The following SMARCAD1 variants were observed in gnomAD, a reference collection of about 807,000 sequenced individuals.
SMARCAD1 encodes the protein SWI/SNF-related matrix-associated actin-dependent regulator of chromatin subfamily A containing DEAD/H box 1.
A neutral mutation model predicts 127.1 loss-of-function variants in SMARCAD1; 25 were observed. The observed-to-expected ratio is 0.20, with a 90% CI of 0.14 to 0.27. The LOEUF is 0.27. SMARCAD1 is among the 10% of genes least tolerant of loss of function. SMARCAD1 has a pLI of 1.00. For missense variants in SMARCAD1, 807 were observed against 1,206.0 expected, an observed-to-expected ratio of 0.67 and a Z score of 4.90; for synonymous variants, 400 against 396.9, an observed-to-expected ratio of 1.01 and a Z score of -0.09.
intron 22 of SMARCAD1, among the ~76,000 whole-genome samples, chr4:94,284,340 A>AAAAG (rs1342433828): frequency 1.9e-5 from 2 of 104,048 alleles, no homozygotes; most frequent in Admixed American, 1.1e-4. Context: ...AAAAAAAAAA[A>AAAAG]AAAAAAAAAA....
intron 2 of SMARCAD1, among the ~76,000 whole-genome samples, chr4:94,215,822 T>A (rs956190578): frequency 4.6e-5 from 7 of 152,204 alleles, no homozygotes; most frequent in African/African-American, 1.7e-4. Context: ...TGCTTTTTCT[T>A]TATTTTTTAG....
intron 12 of SMARCAD1, among the ~76,000 whole-genome samples, chr4:94,274,153 TTC>T (rs1193435606): frequency 6.6e-6 from 1 of 152,120 alleles, no homozygotes; most frequent in African/African-American, 2.4e-5. Context: ...GAAAACCCCC[TTC>T]TCTTTAAATT....
upstream of SMARCAD1, chr4:94,207,863 C>T (rs1471996533): frequency 9.0e-6 from 3 of 334,664 alleles, no homozygotes; most frequent in Admixed American, 8.3e-5. Context: ...TGGGATCGCG[C>T]CGCGTCAACT....
At chr4:94,283,081 AC>A (rs1418401498) in intron 21 of SMARCAD1, 39 bp from the exon 22 acceptor site, 32 of 1,539,300 alleles carry the variant, frequency 2.1e-5, no homozygotes, top group Non-Finnish European at 2.9e-5. Flanking sequence ...ACATTATACA[AC>A]TTTTTAGTGA....
At position 94,207,925 on chromosome 4, in the gene SMARCAD1, C is replaced by T. The variant is rs920918017; in HGVS notation, c.-195C>T. On this transcript the variant is annotated 5_prime_UTR_variant, in exon 1 of 24. Transcript: ENST00000354268. ...CTCCGCCGCTCCCCTTCTTTGGCCC[C>T]TTTGTGTCCCCGCAGTGTCGAGGCG... The T allele has an allele frequency of 3.5e-5, 12 of 346,454 alleles. No individual in the cohort carries two copies. The highest frequency in any genetic ancestry group is 5.7e-5 in the Non-Finnish European group (10 of 175,864). The allele number at this position is 346,454 out of a possible 1,614,324, so 21.5% of individuals were successfully genotyped here. A position where few individuals can be genotyped will look rare whatever the true frequency, so the allele number is the denominator to read the frequency against.
Position 94,278,683 on chromosome 4 carries a change from A to T in SMARCAD1, c.2246A>T (p.Gln749Leu). 6.2e-7 allele frequency: 1 copy of T among 1,614,096 alleles called. No homozygotes were observed. The highest frequency in any genetic ancestry group is 1.3e-5 in the African/African-American group (1 of 75,066). The change falls in exon 18 of 24, where the codon CAA becomes CTA. Residue 749 changes from glutamine (Q) to leucine (L), a missense_variant. Gln to Leu is a moderately radical substitution (Grantham distance 113, BLOSUM62 -2). This residue lies in a region of SMARCAD1 where 99 missense variants were observed against 126.0 expected (regional missense o/e 0.79). Transcript: ENST00000354268. Reference sequence around the variant, plus strand: ...TGTGCAATGTCGGAGAAGCAGGAGCAACTCTATTTGGGTCTTTTCAACAGA... The same window carrying T: ...TGTGCAATGTCGGAGAAGCAGGAGCTACTCTATTTGGGTCTTTTCAACAGA... Reference protein sequence around the residue: ...ELCAMSEKQEQLYLGLFNRLK... With the variant: ...ELCAMSEKQELLYLGLFNRLK...
chr4:94,249,686 C>T lies in SMARCAD1; in HGVS notation c.738C>T (p.Ser246=), dbSNP rs780670826. The change falls in exon 7 of 24, where the codon AGC becomes AGT. Residue 246 remains serine, a synonymous_variant. Coordinates refer to ENST00000354268, the MANE Select transcript of SMARCAD1 (RefSeq NM_020159.5). The part of the protein sequence containing the change: ...GEESNESAES[S]SNWEKQESIV... ...AATCAAATGAGTCTGCAGAATCTAG[C>T]AGTAATTGGGAAAAGCAGGAAAGTA... The T allele has an allele frequency of 1.2e-6, 2 of 1,608,162 alleles. No homozygotes were observed. Among genetic ancestry groups the T allele is most frequent in the South Asian group, 1.1e-5 (1 of 90,864 alleles).
chr4:94,243,549 T>G (rs370274179), intron 6 of SMARCAD1, among the ~76,000 whole-genome samples: 2 of 152,210 alleles, frequency 1.3e-5, no homozygotes, highest in East Asian at 3.9e-4. Flanking sequence ...AGTCAATAGC[T>G]GTTTCACAAA....
intron 15 of SMARCAD1, 89 bp downstream of exon 15, chr4:94,276,563 A>G: frequency 2.0e-6 from 3 of 1,480,022 alleles, no homozygotes; most frequent in Non-Finnish European, 2.8e-6. Context: ...CAGAATCTGT[A>G]TTATGTAGTT....
intron 2 of SMARCAD1, among the ~76,000 whole-genome samples, chr4:94,225,202 C>T (rs1054444269): frequency 3.9e-5 from 6 of 152,138 alleles, no homozygotes; most frequent in Admixed American, 2.6e-4. Context: ...GCTACAGGTT[C>T]GGTGACTTAA....
rs1347274796 is a variant in SMARCAD1, at chr4:94,289,793, G to A, written c.*259G>A. 1.8e-6 allele frequency: 1 copy of A among 570,276 alleles called. No homozygotes were observed. Among genetic ancestry groups the A allele is most frequent in the Non-Finnish European group, 3.3e-6 (1 of 301,884 alleles). The allele number at this position is 570,276 out of a possible 1,614,324, so 35.3% of individuals were successfully genotyped here. A position where few individuals can be genotyped will look rare whatever the true frequency, so the allele number is the denominator to read the frequency against. On this transcript the variant is annotated 3_prime_UTR_variant, in exon 24 of 24. Transcript: ENST00000354268. ...ATTTTACAAAGCAGTTTTCTGAATG[G>A]GGATTAGTTGGTGATTGTTTGTAAC...
chr4:94,246,227 C>G (rs578064814), intron 6 of SMARCAD1, among the ~76,000 whole-genome samples: 32 of 151,630 alleles, frequency 2.1e-4, no homozygotes, highest in Non-Finnish European at 4.0e-4. Flanking sequence ...TCAAGCAATT[C>G]TCCCACCTCA....
intron 23 of SMARCAD1, among the ~76,000 whole-genome samples, chr4:94,288,021 G>T (rs1755197010): frequency 6.6e-6 from 1 of 151,894 alleles, no homozygotes; most frequent in African/African-American, 2.4e-5. Context: ...ATTGTTGAAA[G>T]TATAGTATGA....
At chr4:94,261,528 C>T (rs1750977857) in intron 9 of SMARCAD1, among the ~76,000 whole-genome samples, 1 of 152,188 alleles carries the variant, frequency 6.6e-6, no homozygotes. Flanking sequence ...TTTAATTACT[C>T]AGAACTGTCC....
intron 15 of SMARCAD1, 149 bp from the exon 16 acceptor site, chr4:94,276,872 TA>T: frequency 1.2e-6 from 1 of 853,978 alleles, no homozygotes; most frequent in Non-Finnish European, 1.8e-6. Context: ...GTCAATTATT[TA>T]AATTACTATA....
intron 9 of SMARCAD1, among the ~76,000 whole-genome samples, chr4:94,263,236 C>T (rs1018142568): frequency 9.2e-5 from 14 of 152,098 alleles, no homozygotes; most frequent in African/African-American, 3.1e-4. Context: ...CAATGTATTA[C>T]ACACACATAC....
At chr4:94,275,464 A>G (rs1753121103) in intron 14 of SMARCAD1, among the ~76,000 whole-genome samples, 2 of 152,184 alleles carry the variant, frequency 1.3e-5, no homozygotes, top group Admixed American at 6.5e-5. Flanking sequence ...TGATTTATTT[A>G]AAGTTCTATT....
intron 6 of SMARCAD1, among the ~76,000 whole-genome samples, chr4:94,246,313 G>GT (rs1748415588): frequency 6.6e-6 from 1 of 152,016 alleles, no homozygotes; most frequent in South Asian, 2.1e-4. Flanking sequence ...TAGAAACGGT[G>GT]TTTCACTGTG....
intron 2 of SMARCAD1, among the ~76,000 whole-genome samples, 182 bp downstream of exon 2, chr4:94,208,766 CCATT>C (rs1266230226): frequency 1.3e-5 from 2 of 152,186 alleles, no homozygotes; most frequent in Non-Finnish European, 2.9e-5. Flanking sequence ...GAGCATCCAT[CCATT>C]GTCGCCTCAC....
Sources: allele counts gnomAD v4.1 joint callset (sites outside exome capture counted in the v4.1 genomes callset), GRCh38; gene constraint gnomAD v4.1.1; regional missense constraint gnomAD v4.1.1; transcripts MANE v1.5; gene names NCBI Gene and HGNC (gene_info 2026-07-23, HGNC 2026-07-21).